Variants in SEMA5A observed in about 807,000 individuals in gnomAD.
SEMA5A encodes semaphorin 5A, also known as semaphorin-5A.
Under a neutral mutation model 135.5 loss-of-function variants are expected in SEMA5A, and 55 were observed. The ratio of observed to expected loss-of-function variants is 0.41; its 90% CI spans 0.33 to 0.51. SEMA5A has a LOEUF of 0.51. Ranked by LOEUF, SEMA5A falls within the 20% of genes least tolerant of loss-of-function variation. The pLI, the probability that SEMA5A is intolerant of heterozygous loss-of-function variation, is 0.37. For missense variants in SEMA5A, 1,290 were observed against 1,419.9 expected (o/e 0.91, Z 1.47); for synonymous variants, 580 against 546.5 (o/e 1.06, Z -0.85).
chr5:9,503,353 C>T (rs945383846), intron 1 of SEMA5A, among the ~76,000 whole-genome samples: 3 of 152,168 alleles, frequency 2.0e-5, no homozygotes, highest in African/African-American at 7.2e-5. Context: ...GCACAGGTAA[C>T]ATCTTGGATG....
chr5:9,426,436 T>TAAAATAAAATAAAATAAAATAAAATAAAA (rs1757657836), intron 2 of SEMA5A, among the ~76,000 whole-genome samples: 1 of 136,240 alleles, frequency 7.3e-6, no homozygotes, highest in African/African-American at 2.9e-5. Flanking sequence ...AAAAAATAAA[T>TAAAATAAAATAAAATAAAATAAAATAAAA]AAAATAAAAT....
chr5:9,346,527 G>T (rs1228418563), intron 3 of SEMA5A, among the ~76,000 whole-genome samples: 2 of 152,188 alleles, frequency 1.3e-5, no homozygotes, highest in Non-Finnish European at 2.9e-5. Context: ...AGGGGTCACA[G>T]GTTCCCCACT....
chr5:9,233,055 A>G (rs1747721133), intron 6 of SEMA5A, among the ~76,000 whole-genome samples: 1 of 152,250 alleles, frequency 6.6e-6, no homozygotes, highest in Non-Finnish European at 1.5e-5. Flanking sequence ...AACAATATAC[A>G]TAGCTCTGGA....
intron 1 of SEMA5A, among the ~76,000 whole-genome samples, chr5:9,438,220 C>T (rs1213763780): frequency 6.8e-6 from 1 of 148,134 alleles, no homozygotes; most frequent in Non-Finnish European, 1.5e-5. Flanking sequence ...ATGAATTTAT[C>T]CTTTTCATGA....
At chr5:9,221,464 G>C (rs868800968) in intron 8 of SEMA5A, among the ~76,000 whole-genome samples, 25 of 149,390 alleles carry the variant, frequency 1.7e-4, no homozygotes, top group South Asian at 2.1e-4. Flanking sequence ...CACCACGCCC[G>C]GCTAATTTTT....
At chr5:9,363,247 T>G (rs576282091) in intron 3 of SEMA5A, 1 of 152,366 alleles carries the variant, frequency 6.6e-6, no homozygotes, top group South Asian at 2.1e-4. Context: ...TGCAAAGCGC[T>G]GATATAATCT....
intron 5 of SEMA5A, among the ~76,000 whole-genome samples, chr5:9,294,148 T>C (rs1017244317): frequency 1.3e-5 from 2 of 152,258 alleles, no homozygotes; most frequent in African/African-American, 4.8e-5. Flanking sequence ...CTTGTCTCCC[T>C]GTCTTTGAAA....
At chr5:9,478,232 A>G (rs964537711) in intron 1 of SEMA5A, among the ~76,000 whole-genome samples, 3 of 152,232 alleles carry the variant, frequency 2.0e-5, no homozygotes, top group Admixed American at 6.5e-5. Context: ...ATGTCGAGGC[A>G]TAAGTCAGCT....
At chr5:9,068,901 G>A (rs1561121621) in intron 16 of SEMA5A, among the ~76,000 whole-genome samples, 1 of 152,184 alleles carries the variant, frequency 6.6e-6, no homozygotes. Context: ...TCAGCAAAGA[G>A]AAAATGCACA....
chr5:9,152,727 G>A (rs10063015), intron 12 of SEMA5A, among the ~76,000 whole-genome samples: 16,163 of 152,208 alleles, frequency 0.11, 1,575 homozygotes, highest in East Asian at 0.46. Flanking sequence ...ATTCACATGT[G>A]TTGAGTGACA....
Position 9,042,966 on chromosome 5 carries a change from G to T in SEMA5A, c.3156C>A (p.Asn1052Lys). The change falls in exon 23 of 23, where the codon AAC (asparagine) becomes AAA (lysine). Residue 1052 changes from asparagine to lysine, a missense_variant. By Grantham distance (94) the Asn-to-Lys change is moderately conservative. This residue lies in a region of SEMA5A where 1,029 missense variants were observed against 1,086.6 expected (regional missense o/e 0.95). Coordinates refer to ENST00000382496, the MANE Select transcript of SEMA5A (RefSeq NM_003966.3). Reference protein sequence around the residue: ...LILEERNKYFNPHLTGKTYSN... With the variant: ...LILEERNKYFKPHLTGKTYSN... ...AATAGGTCTTCCCAGTGAGATGTGGGTTGAAGTATTTGTTTCTTTCCTCTA... is the reference window on the plus strand; with the variant it reads ...AATAGGTCTTCCCAGTGAGATGTGGTTTGAAGTATTTGTTTCTTTCCTCTA... 6.2e-7 allele frequency: 1 copy of T among 1,612,702 alleles called. No individual in the cohort carries two copies. Among genetic ancestry groups the T allele is most frequent in the Non-Finnish European group, 8.5e-7 (1 of 1,178,890 alleles).
chr5:9,536,336 G>C (rs1737765179), intron 1 of SEMA5A, among the ~76,000 whole-genome samples: 1 of 152,166 alleles, frequency 6.6e-6, no homozygotes, highest in Admixed American at 6.5e-5. Flanking sequence ...CAGGAGGCCA[G>C]GCACAGTGGC....
intron 1 of SEMA5A, among the ~76,000 whole-genome samples, chr5:9,481,798 A>G (rs373842645): frequency 2.6e-5 from 4 of 152,154 alleles, no homozygotes; most frequent in East Asian, 1.9e-4. Flanking sequence ...CAAGATTCCA[A>G]TGTGAAGATG....
intron 8 of SEMA5A, among the ~76,000 whole-genome samples, chr5:9,210,650 G>T (rs1746296625): frequency 6.6e-6 from 1 of 152,140 alleles, no homozygotes; most frequent in African/African-American, 2.4e-5. Context: ...GAGGAAGGGT[G>T]CAAGCTCTGG....
intron 16 of SEMA5A, among the ~76,000 whole-genome samples, chr5:9,101,127 T>C (rs1405729712): frequency 6.6e-6 from 1 of 152,236 alleles, no homozygotes; most frequent in African/African-American, 2.4e-5. Flanking sequence ...GTTAGAACCA[T>C]TCACTTTATC....
Position 9,506,787 on chromosome 5 carries a change from C to G in SEMA5A, c.-175+38797G>C, listed in dbSNP as rs150332029. Among the ~76,000 whole-genome samples, 494 of 152,318 alleles carry G rather than the reference C, an allele frequency of 3.2e-3. 2 individuals are homozygous for G. In the South Asian group the frequency reaches 0.042, roughly 13 times the overall value. ...ATCAGGTCACAGAACACAATCAACACCAATTCCCATGGGTTCACTTTCATG... is the reference window on the plus strand; with the variant it reads ...ATCAGGTCACAGAACACAATCAACAGCAATTCCCATGGGTTCACTTTCATG... On this transcript the variant is annotated intron_variant, in intron 1 of 22. Coordinates refer to ENST00000382496, the MANE Select transcript of SEMA5A (RefSeq NM_003966.3).
intron 1 of SEMA5A, among the ~76,000 whole-genome samples, chr5:9,541,215 G>T (rs1463345144): frequency 6.6e-6 from 1 of 152,234 alleles, no homozygotes; most frequent in African/African-American, 2.4e-5. Context: ...CACAGAGTTG[G>T]CTTCTGATAG....
At chr5:9,399,232 A>G (rs1361910920) in intron 2 of SEMA5A, among the ~76,000 whole-genome samples, 2 of 152,242 alleles carry the variant, frequency 1.3e-5, no homozygotes, top group African/African-American at 4.8e-5. Flanking sequence ...ACAGATGAAG[A>G]AAATGTGGTA....
intron 1 of SEMA5A, among the ~76,000 whole-genome samples, chr5:9,500,612 G>C (rs558708549): frequency 2.6e-5 from 4 of 152,180 alleles, no homozygotes; most frequent in Admixed American, 2.0e-4. Flanking sequence ...ATAGGGCACT[G>C]GATAAAATAC....
Sources: gnomAD v4.1 joint callset for allele counts (sites outside exome capture counted in the v4.1 genomes callset) on GRCh38, gnomAD v4.1.1 for gene constraint, gnomAD v4.1.1 regional missense constraint, MANE v1.5 for transcripts, NCBI Gene and HGNC (gene_info 2026-07-23, HGNC 2026-07-21) for gene names.